The following WDR70 variants were observed in gnomAD, a reference collection of about 807,000 sequenced individuals.
WDR70 encodes WD repeat domain 70.
WDR70 carries 53 observed loss-of-function variants against 88.6 expected under a neutral mutation model. That is an observed-to-expected ratio of 0.60 (90% CI 0.48 to 0.75). The LOEUF (loss-of-function observed/expected upper bound fraction) is 0.75, where lower values mean the gene tolerates loss of function less well. WDR70 is among the 30% of genes least tolerant of loss of function. The pLI is 0.00. For synonymous variants in WDR70, 280 were observed against 270.0 expected (o/e 1.04, Z -0.36); for missense variants, 610 against 823.2 (o/e 0.74, Z 3.17).
intron 11 of WDR70, among the ~76,000 whole-genome samples, chr5:37,699,449 G>T (rs1455908295): frequency 6.8e-6 from 1 of 146,258 alleles, no homozygotes; most frequent in Admixed American, 7.0e-5. Flanking sequence ...AACTTAATTG[G>T]TCAATACCAC....
At chr5:37,463,945 A>G (rs560492719) in intron 7 of WDR70, among the ~76,000 whole-genome samples, 2 of 152,324 alleles carry the variant, frequency 1.3e-5, no homozygotes, top group South Asian at 4.1e-4. Context: ...ACAGAGGGAA[A>G]ATGTTAAAAG....
chr5:37,675,794 G>A (rs1746186545), intron 10 of WDR70, among the ~76,000 whole-genome samples: 1 of 152,030 alleles, frequency 6.6e-6, no homozygotes, highest in African/African-American at 2.4e-5. Context: ...GCTTGATGGG[G>A]ATGGCATTGA....
At chr5:37,747,868 T>C (rs1241392020) in intron 17 of WDR70, among the ~76,000 whole-genome samples, 2 of 152,144 alleles carry the variant, frequency 1.3e-5, no homozygotes, top group African/African-American at 4.8e-5. Context: ...AGTCAAATCA[T>C]GAATGAACTC....
intron 10 of WDR70, among the ~76,000 whole-genome samples, chr5:37,614,799 G>A (rs193011752): frequency 1.2e-4 from 18 of 152,256 alleles, no homozygotes; most frequent in East Asian, 7.7e-4. Context: ...AATGGTAGAC[G>A]TGGGTCACTA....
chr5:37,522,558 A>G (rs1044486669), intron 9 of WDR70, among the ~76,000 whole-genome samples: 9 of 151,530 alleles, frequency 5.9e-5, no homozygotes, highest in South Asian at 2.1e-4. Flanking sequence ...TGTGAGTGAC[A>G]CAGAAGATGG....
At chr5:37,663,422 T>C (rs1479599217) in intron 10 of WDR70, among the ~76,000 whole-genome samples, 1 of 152,214 alleles carries the variant, frequency 6.6e-6, no homozygotes, top group Non-Finnish European at 1.5e-5. Flanking sequence ...CTTGCTTCCT[T>C]GCTCTGGCTC....
At chr5:37,611,994 G>A (rs1744205063) in intron 10 of WDR70, among the ~76,000 whole-genome samples, 1 of 151,974 alleles carries the variant, frequency 6.6e-6, no homozygotes, top group South Asian at 2.1e-4. Flanking sequence ...CCTCATCTAG[G>A]TGTCTTCTCC....
At chr5:37,559,827 A>C (rs1023426782) in intron 9 of WDR70, among the ~76,000 whole-genome samples, 1 of 151,966 alleles carries the variant, frequency 6.6e-6, no homozygotes, top group African/African-American at 2.4e-5. Context: ...CCTGGGCAAC[A>C]AGAGCAAAAT....
chr5:37,596,662 C>T (rs1432031861), intron 9 of WDR70, among the ~76,000 whole-genome samples: 1 of 152,146 alleles, frequency 6.6e-6, no homozygotes, highest in Non-Finnish European at 1.5e-5. Flanking sequence ...GTAACTAAAT[C>T]TAGATTTCTC....
At chr5:37,446,491 A>T (rs1738482255) in intron 7 of WDR70, among the ~76,000 whole-genome samples, 1 of 152,196 alleles carries the variant, frequency 6.6e-6, no homozygotes, top group Non-Finnish European at 1.5e-5. Flanking sequence ...AGACAATCCT[A>T]AGCCAAAAGA....
chr5:37,497,023 T>C (rs2112206643), intron 8 of WDR70, among the ~76,000 whole-genome samples: 1 of 152,328 alleles, frequency 6.6e-6, no homozygotes, highest in Non-Finnish European at 1.5e-5. Context: ...TTGGAATGTT[T>C]CTTTTATTGC....
intron 17 of WDR70, among the ~76,000 whole-genome samples, chr5:37,750,093 T>G (rs10079573): frequency 6.6e-6 from 1 of 152,288 alleles, no homozygotes; most frequent in East Asian, 1.9e-4. Context: ...TCACCATTTC[T>G]GTCAAGATTA....
chr5:37,646,748 T>A (rs1745250155), intron 10 of WDR70, among the ~76,000 whole-genome samples: 1 of 152,194 alleles, frequency 6.6e-6, no homozygotes, highest in African/African-American at 2.4e-5. Context: ...GGAGCCCTGC[T>A]GTATATTATT....
intron 7 of WDR70, among the ~76,000 whole-genome samples, chr5:37,445,042 A>G (rs1256651238): frequency 6.6e-6 from 1 of 152,130 alleles, no homozygotes; most frequent in Non-Finnish European, 1.5e-5. Context: ...GACTGATACC[A>G]GTCCATGTCC....
intron 10 of WDR70, among the ~76,000 whole-genome samples, chr5:37,617,107 A>G (rs1744367197): frequency 6.6e-6 from 1 of 152,210 alleles, no homozygotes; most frequent in Non-Finnish European, 1.5e-5. Flanking sequence ...TATATATTTT[A>G]ATTCATTTAA....
intron 10 of WDR70, among the ~76,000 whole-genome samples, chr5:37,683,798 A>G (rs948575214): frequency 4.6e-5 from 7 of 152,028 alleles, no homozygotes; most frequent in African/African-American, 9.7e-5. Context: ...TCAACCTTGG[A>G]GAATCTGATT....
intron 7 of WDR70, among the ~76,000 whole-genome samples, chr5:37,455,391 G>A (rs1002837432): frequency 3.6e-4 from 54 of 151,360 alleles, no homozygotes; most frequent in Non-Finnish European, 5.5e-4. Context: ...ATTAAGGCAC[G>A]CCACCATGCC....
At position 37,431,386 on chromosome 5, in the gene WDR70, T is replaced by A. The variant is rs576380264; in HGVS notation, c.493-6536T>A. Among the ~76,000 whole-genome samples, 6 of 152,276 alleles carry A rather than the reference T, an allele frequency of 3.9e-5. No homozygotes were observed. The South Asian group carries it at 1.2e-3, about 32-fold the overall frequency. ...ATCTCTTATATAATTCCTCTTTTTT[T>A]TTCTTTTTTCCATTCCCACTGTATT... On this transcript the variant is annotated intron_variant, in intron 5 of 17. Coordinates refer to ENST00000265107, the MANE Select transcript of WDR70 (RefSeq NM_018034.4).
intron 10 of WDR70, among the ~76,000 whole-genome samples, chr5:37,686,781 A>G (rs1380255289): frequency 6.6e-6 from 1 of 151,810 alleles, no homozygotes; most frequent in Admixed American, 6.6e-5. Context: ...GTGTGATCCC[A>G]GACAGGGCCT....
Sources: allele counts gnomAD v4.1 joint callset (sites outside exome capture counted in the v4.1 genomes callset), GRCh38; gene constraint gnomAD v4.1.1; transcripts MANE v1.5; gene names NCBI Gene and HGNC (gene_info 2026-07-23, HGNC 2026-07-21).